The following SMOC2 variants were observed in gnomAD, a reference collection of about 807,000 sequenced individuals.
SMOC2 encodes the protein SPARC-related modular calcium-binding protein 2.
SMOC2 carries 39 observed loss-of-function variants against 61.4 expected under a neutral mutation model. The ratio of observed to expected loss-of-function variants is 0.64; its 90% CI spans 0.49 to 0.83. The LOEUF is 0.83. SMOC2 is among the 40% of genes least tolerant of loss of function. The pLI, the probability that SMOC2 is intolerant of heterozygous loss-of-function variation, is 0.00. For missense variants in SMOC2, 556 were observed against 592.9 expected (o/e 0.94, Z 0.65); for synonymous variants, 247 against 239.9 (o/e 1.03, Z -0.27).
At chr6:168,539,377 C>T (rs1006689409) in intron 4 of SMOC2, among the ~76,000 whole-genome samples, 3 of 152,190 alleles carry the variant, frequency 2.0e-5, no homozygotes, top group Non-Finnish European at 2.9e-5. Context: ...TCCATGCCAG[C>T]GCCCAGACAG....
chr6:168,606,004 C>T (rs987662333), intron 8 of SMOC2, among the ~76,000 whole-genome samples: 11 of 152,132 alleles, frequency 7.2e-5, no homozygotes, highest in South Asian at 2.1e-4. Flanking sequence ...GGTCTCAATT[C>T]GGCCCCTGAG....
At chr6:168,518,692 A>G (rs1425625339) in intron 2 of SMOC2, among the ~76,000 whole-genome samples, 1 of 131,970 alleles carries the variant, frequency 7.6e-6, no homozygotes, top group Non-Finnish European at 1.7e-5. Context: ...GTGAATGTGT[A>G]TGAGCGTGCA....
At chr6:168,574,618 GC>G (rs1471219070) in intron 7 of SMOC2, among the ~76,000 whole-genome samples, 3 of 152,164 alleles carry the variant, frequency 2.0e-5, no homozygotes, top group Admixed American at 6.5e-5. Context: ...CTCCTGAAGG[GC>G]CTGAGCAATT....
chr6:168,458,246 C>T (rs1314335906), intron 1 of SMOC2, among the ~76,000 whole-genome samples: 4 of 152,136 alleles, frequency 2.6e-5, no homozygotes, highest in African/African-American at 7.2e-5. Context: ...TCTCACCCTG[C>T]CCCTCCGGGG....
intron 1 of SMOC2, among the ~76,000 whole-genome samples, chr6:168,485,086 T>C (rs1307190728): frequency 6.6e-6 from 1 of 152,126 alleles, no homozygotes; most frequent in African/African-American, 2.4e-5. Context: ...TAAAGATAGT[T>C]AAGATGGTAC....
intron 4 of SMOC2, among the ~76,000 whole-genome samples, chr6:168,536,005 G>A (rs761761515): frequency 5.3e-5 from 8 of 152,218 alleles, no homozygotes; most frequent in Non-Finnish European, 7.3e-5. Flanking sequence ...ATTCTGGCTC[G>A]AATTTTCACA....
At position 168,667,600 on chromosome 6, in the gene SMOC2, C is replaced by T. The variant is rs1301875859; in HGVS notation, c.*1162C>T. The T allele has an allele frequency of 6.6e-6, 1 of 152,246 alleles. No homozygotes were observed. Among genetic ancestry groups the T allele is most frequent in the East Asian group, 1.9e-4 (1 of 5,200 alleles). 9.4% of individuals were successfully genotyped at this position (152,246 alleles called of 1,614,324 possible). ...GTCTGCGTGCATAACCAGCTGCCAC[C>T]CTCAGGCCTGGGCCCCAGAGCTCAG... On this transcript the variant is annotated 3_prime_UTR_variant, in exon 13 of 13. Coordinates refer to ENST00000356284, the MANE Select transcript of SMOC2 (RefSeq NM_001166412.2).
chr6:168,526,961 G>GT (rs1391041028), intron 3 of SMOC2, among the ~76,000 whole-genome samples: 1 of 152,182 alleles, frequency 6.6e-6, no homozygotes, highest in Non-Finnish European at 1.5e-5. Flanking sequence ...CCAGCTCTCC[G>GT]TTTTGAGTGT....
At position 168,607,636 on chromosome 6, in the gene SMOC2, T is replaced by C. The variant is rs1034905856; in HGVS notation, c.825-521T>C. Among the ~76,000 whole-genome samples the C allele has an allele frequency of 1.1e-4, 17 of 150,274 alleles. No homozygotes were observed. In the South Asian group the frequency reaches 1.7e-3, roughly 15 times the overall value. On this transcript the variant is annotated intron_variant, in intron 8 of 12. Transcript: ENST00000356284. The stretch of plus-strand genomic sequence containing the variant: ...GACTTTCGTAGCTTCACGAGGTGGA[T>C]TGGAAATGAGTTGGCCTTTGGTGCT...
At chr6:168,545,582 TG>T (rs1562339289) in intron 5 of SMOC2, among the ~76,000 whole-genome samples, 1 of 152,164 alleles carries the variant, frequency 6.6e-6, no homozygotes, top group East Asian at 1.9e-4. Context: ...GAGGGAAGCA[TG>T]GACAGGGCAG....
intron 7 of SMOC2, among the ~76,000 whole-genome samples, chr6:168,571,837 C>T (rs62422467): frequency 0.21 from 25,790 of 125,060 alleles, 2,741 homozygotes; most frequent in Middle Eastern, 0.34. Context: ...ACCAGGGCTG[C>T]GTGCTCCCTG....
intron 9 of SMOC2, among the ~76,000 whole-genome samples, 160 bp from the exon 10 acceptor site, chr6:168,650,521 A>G (rs933436841): frequency 6.6e-6 from 1 of 152,232 alleles, no homozygotes; most frequent in Non-Finnish European, 1.5e-5. Flanking sequence ...CTCAAAATCA[A>G]TATATATAAT....
At position 168,441,446 on chromosome 6, in the gene SMOC2, G is replaced by C. The variant is rs1176587330; in HGVS notation, c.76G>C (p.Ala26Pro). The C allele has an allele frequency of 1.3e-6, 2 of 1,507,490 alleles. No homozygotes were observed. The highest frequency in any genetic ancestry group is 1.8e-6 in the Non-Finnish European group (2 of 1,132,076). 93.4% of individuals were successfully genotyped at this position (1,507,490 alleles called of 1,614,324 possible). A position where few individuals can be genotyped will look rare whatever the true frequency, so the allele number is the denominator to read the frequency against. The part of the protein sequence containing the change: ...LPPVPAQKFS[A>P]LTFLRVDQDK... ...GCCGGTGCCCGCTCAGAAGTTCTCG[G>C]CGCTCACGGTAAGCCCGGGCCCGCG... The change falls in exon 1 of 13, where the codon GCG becomes CCG. Residue 26 changes from alanine (A) to proline (P), a missense_variant. By Grantham distance (27) the Ala-to-Pro change is conservative (BLOSUM62 -1). Transcript: ENST00000356284.
At chr6:168,597,888 T>C (rs1337269091) in intron 7 of SMOC2, among the ~76,000 whole-genome samples, 1 of 152,188 alleles carries the variant, frequency 6.6e-6, no homozygotes, top group Middle Eastern at 3.2e-3. Flanking sequence ...TCTCAGGTAT[T>C]CCTGGCTTAA....
chr6:168,531,394 G>A (rs1035925705), intron 4 of SMOC2, among the ~76,000 whole-genome samples: 4 of 152,230 alleles, frequency 2.6e-5, no homozygotes, highest in African/African-American at 2.4e-5. Flanking sequence ...CACTGAAAGC[G>A]GTAACGCAGG....
intron 1 of SMOC2, among the ~76,000 whole-genome samples, chr6:168,461,502 G>A (rs917385754): frequency 5.3e-5 from 8 of 151,982 alleles, no homozygotes; most frequent in Admixed American, 2.0e-4. Context: ...TTAGGTTTTC[G>A]CCCTTTCAGT....
intron 4 of SMOC2, among the ~76,000 whole-genome samples, chr6:168,528,484 T>C (rs1342113112): frequency 6.6e-6 from 1 of 152,270 alleles, no homozygotes; most frequent in African/African-American, 2.4e-5. Context: ...TGTCTCTCCC[T>C]GTTTCTCATG....
At chr6:168,533,520 G>C (rs191404928) in intron 4 of SMOC2, among the ~76,000 whole-genome samples, 1 of 152,156 alleles carries the variant, frequency 6.6e-6, no homozygotes, top group Non-Finnish European at 1.5e-5. Context: ...GACTTGAAAG[G>C]ATCACCCAGA....
chr6:168,573,625 C>G (rs1229413797), intron 7 of SMOC2, among the ~76,000 whole-genome samples: 1 of 152,146 alleles, frequency 6.6e-6, no homozygotes, highest in African/African-American at 2.4e-5. Context: ...GGGCAGAGAG[C>G]AGCATGCATG....
Sources: gnomAD v4.1 joint callset for allele counts (sites outside exome capture counted in the v4.1 genomes callset) on GRCh38, gnomAD v4.1.1 for gene constraint, MANE v1.5 for transcripts, NCBI Gene and HGNC (gene_info 2026-07-23, HGNC 2026-07-21) for gene names.